Variants in PCSK5 observed in about 807,000 individuals in gnomAD.
PCSK5 encodes prohormone convertase 5.
A neutral mutation model predicts 233.2 loss-of-function variants in PCSK5; 129 were observed. That is an observed-to-expected ratio of 0.55 (90% CI 0.48 to 0.64). The LOEUF (loss-of-function observed/expected upper bound fraction) is 0.64, where lower values mean the gene tolerates loss of function less well. Among genes scored for constraint, PCSK5 ranks in the 30% least tolerant of loss-of-function variants. PCSK5 has a pLI of 0.00. For synonymous variants in PCSK5, 825 were observed against 879.2 expected, an observed-to-expected ratio of 0.94 and a Z score of 1.09; for missense variants, 2,076 against 2,430.1, an observed-to-expected ratio of 0.85 and a Z score of 3.06.
intron 3 of PCSK5, among the ~76,000 whole-genome samples, chr9:76,020,035 A>G (rs1358373090): frequency 1.3e-5 from 2 of 152,222 alleles, no homozygotes; most frequent in Non-Finnish European, 2.9e-5. Context: ...ATATGCTGGA[A>G]ATTTCTGACT....
rs1828772454 is a variant in PCSK5, at chr9:76,308,539, T to G, written c.3605-106T>G. On this transcript the variant is annotated intron_variant, in intron 28 of 37. Coordinates refer to ENST00000674117, the MANE Select transcript of PCSK5 (RefSeq NM_001372043.1). ...CATGTACAATCAAAAGGATTCCATC[T>G]GGGGCAGGAAAAGAGACTAGGTAAC... is the stretch of plus-strand genomic sequence containing the variant. 3 of 710,154 alleles carry G rather than the reference T, an allele frequency of 4.2e-6. No homozygotes were observed. The South Asian group carries it at 4.7e-5, about 11-fold the overall frequency. The allele number at this position is 710,154 out of a possible 1,614,324, so 44.0% of individuals were successfully genotyped here. A position where few individuals can be genotyped will look rare whatever the true frequency, so the allele number is the denominator to read the frequency against.
chr9:76,354,220 G>A lies in PCSK5; in HGVS notation c.5254+1G>A, dbSNP rs1407219164. The A allele has an allele frequency of 1.3e-6, 2 of 1,570,688 alleles. No homozygotes were observed. Among genetic ancestry groups the A allele is most frequent in the Non-Finnish European group, 1.7e-6 (2 of 1,158,546 alleles). On this transcript the variant is annotated splice_donor_variant, in intron 37 of 37. Coordinates refer to ENST00000674117, the MANE Select transcript of PCSK5 (RefSeq NM_001372043.1). LOFTEE classifies it high-confidence loss of function. ...TGCTGTGACTGCCAGGACACCACGG[G>A]TGAGGGAAGAGCAAGAGCAGCCTGC...
chr9:76,138,125 C>A (rs963559412), intron 10 of PCSK5, among the ~76,000 whole-genome samples: 1 of 151,996 alleles, frequency 6.6e-6, no homozygotes, highest in African/African-American at 2.4e-5. Flanking sequence ...TTGAAGTGAG[C>A]GCAGAAAGTG....
intron 12 of PCSK5, among the ~76,000 whole-genome samples, chr9:76,161,571 T>C (rs926997469): frequency 3.3e-5 from 5 of 151,528 alleles, no homozygotes; most frequent in African/African-American, 9.7e-5. Context: ...CCCTTCCTTG[T>C]AGAGAAACAG....
chr9:76,093,246 C>T (rs969217533), intron 7 of PCSK5, among the ~76,000 whole-genome samples: 3 of 151,916 alleles, frequency 2.0e-5, no homozygotes, highest in Non-Finnish European at 4.4e-5. Flanking sequence ...AAGCATGCAC[C>T]ACCACCCGGC....
Position 76,338,367 on chromosome 9 carries a change from G to T in PCSK5, c.4886G>T (p.Arg1629Leu). The stretch of plus-strand genomic sequence containing the variant: ...CTCCGCTCCAAAGGAGAGTGTCATC[G>T]CTCCTGCCCAGACCATTACTATGTA... Reference protein sequence around the residue: ...FLLRSKGECHRSCPDHYYVEQ... With the variant: ...FLLRSKGECHLSCPDHYYVEQ... Residue 1629 changes from arginine to leucine, a missense_variant, in exon 35 of 38, where the codon CGC (arginine) becomes CTC (leucine). By Grantham distance (102) the Arg-to-Leu change is moderately radical (BLOSUM62 -2). This residue lies in a region of PCSK5 where 1,510 missense variants were observed against 1,538.1 expected (regional missense o/e 0.98). Transcript: ENST00000674117. 1.2e-6 allele frequency: 2 copies of T among 1,612,512 alleles called. No homozygotes were observed. Among genetic ancestry groups the T allele is most frequent in the South Asian group, 2.2e-5 (2 of 91,046 alleles).
At chr9:76,255,058 G>A (rs1452942514) in intron 24 of PCSK5, among the ~76,000 whole-genome samples, 1 of 150,620 alleles carries the variant, frequency 6.6e-6, no homozygotes, top group East Asian at 1.9e-4. Flanking sequence ...AGACTGAGGT[G>A]GGTGGATCAC....
chr9:76,046,726 A>G (rs1034314792), intron 5 of PCSK5, among the ~76,000 whole-genome samples: 2 of 148,888 alleles, frequency 1.3e-5, no homozygotes, highest in African/African-American at 5.0e-5. Flanking sequence ...ACTCCCGGCC[A>G]ATTTTTTGTA....
chr9:76,233,676 A>G, intron 22 of PCSK5, 80 bp downstream of exon 22: 5 of 1,344,236 alleles, frequency 3.7e-6, no homozygotes, highest in Non-Finnish European at 5.2e-6. Context: ...TTGACCCAAA[A>G]GCCTTGTGTC....
At position 76,091,134 on chromosome 9, in the gene PCSK5, G is replaced by A. The variant is rs573637668; in HGVS notation, c.895-4756G>A. On this transcript the variant is annotated intron_variant, in intron 7 of 37. Transcript: ENST00000674117. ...TGTGGCCGGATTCCTAACAAGCCAC[G>A]GATCAATTTCGGTTGAGGACTCCTG... 3.3e-5 allele frequency among the ~76,000 whole-genome samples: 5 copies of A among 152,256 alleles called. 1 individual carries two copies. The highest frequency in any genetic ancestry group is 9.6e-5 in the African/African-American group (4 of 41,556).
rs113512823 is a variant in PCSK5, at chr9:76,019,692, A to C, written c.412-4046A>C. ...ATTGAGCTGTGAGATGTTTATGAAG[A>C]CCCAAGAGAAGTGGATGCACCCAGA... On this transcript the variant is annotated intron_variant, in intron 3 of 37. Coordinates refer to ENST00000674117, the MANE Select transcript of PCSK5 (RefSeq NM_001372043.1). 4.9e-3 allele frequency among the ~76,000 whole-genome samples: 739 copies of C among 152,300 alleles called. 7 individuals carry two copies. Among genetic ancestry groups the C allele is most frequent in the African/African-American group, 0.017 (686 of 41,570 alleles).
At chr9:76,244,733 AG>A (rs1179506106) in intron 24 of PCSK5, among the ~76,000 whole-genome samples, 11 of 152,148 alleles carry the variant, frequency 7.2e-5, no homozygotes, top group Admixed American at 5.9e-4. Context: ...ATTACCAAAA[AG>A]GGGGCAGAAA....
chr9:76,332,638 GT>G, intron 34 of PCSK5, 28 bp downstream of exon 34: 1 of 1,482,544 alleles, frequency 6.7e-7, no homozygotes, highest in Non-Finnish European at 9.2e-7. Context: ...TTTCCCCCAT[GT>G]AATTTCACAG....
At chr9:76,156,983 A>C (rs1039292448) in intron 10 of PCSK5, 62 bp from the exon 11 acceptor site, 7 of 1,116,844 alleles carry the variant, frequency 6.3e-6, no homozygotes, top group Non-Finnish European at 8.3e-6. Context: ...GTCTCTACTG[A>C]GTGACGTTAT....
chr9:76,228,469 A>C lies in PCSK5; in HGVS notation c.2729+864A>C, dbSNP rs78298209. Among the ~76,000 whole-genome samples the C allele has an allele frequency of 6.1e-4, 93 of 152,302 alleles. No individual in the cohort carries two copies. In the East Asian group the frequency reaches 0.017, roughly 27 times the overall value. On this transcript the variant is annotated intron_variant, in intron 21 of 37. Coordinates refer to ENST00000674117, the MANE Select transcript of PCSK5 (RefSeq NM_001372043.1). ...AGACTGTAAGCCACTTGAGATACTC[A>C]TCTTTGATCTCTAGTACCTACCACA...
intron 10 of PCSK5, among the ~76,000 whole-genome samples, chr9:76,140,888 T>C (rs1823187638): frequency 6.6e-6 from 1 of 152,124 alleles, no homozygotes; most frequent in Admixed American, 6.6e-5. Flanking sequence ...ATATGATTTT[T>C]AGCAATGTGT....
chr9:76,014,238 T>C (rs1827853698), intron 3 of PCSK5, among the ~76,000 whole-genome samples: 1 of 152,194 alleles, frequency 6.6e-6, no homozygotes, highest in African/African-American at 2.4e-5. Flanking sequence ...AATTATTAAA[T>C]ACTGCAGCTC....
At chr9:76,104,289 C>G (rs1479416177) in intron 8 of PCSK5, among the ~76,000 whole-genome samples, 1 of 152,162 alleles carries the variant, frequency 6.6e-6, no homozygotes, top group Non-Finnish European at 1.5e-5. Flanking sequence ...ATTTCCATTT[C>G]AAGCAGGATG....
intron 25 of PCSK5, among the ~76,000 whole-genome samples, chr9:76,292,745 A>C (rs906416393): frequency 6.6e-6 from 1 of 152,168 alleles, no homozygotes; most frequent in Non-Finnish European, 1.5e-5. Flanking sequence ...CATCACTCCC[A>C]ATGTACTCTA....
Sources: allele counts gnomAD v4.1 joint callset (sites outside exome capture counted in the v4.1 genomes callset), GRCh38; gene constraint gnomAD v4.1.1; regional missense constraint gnomAD v4.1.1; transcripts MANE v1.5; gene names NCBI Gene and HGNC (gene_info 2026-07-23, HGNC 2026-07-21).